XPO5: variants seen among roughly 807,000 people sequenced by gnomAD.
The protein encoded by XPO5 is exportin-5.
A neutral mutation model predicts 160.6 loss-of-function variants in XPO5; 46 were observed. The ratio of observed to expected loss-of-function variants is 0.29; its 90% CI spans 0.23 to 0.37. The LOEUF is 0.37. XPO5 is among the 10% of genes least tolerant of loss of function. The pLI is 1.00. For missense variants in XPO5, 1,090 were observed against 1,463.9 expected (o/e 0.74, Z 4.17); for synonymous variants, 537 against 519.3 (o/e 1.03, Z -0.46).
rs1244172294 is a variant in XPO5 at position 43,553,291 on chromosome 6, T to G, written c.1572+82A>C. 4 of 1,482,772 alleles carry G rather than the reference T, an allele frequency of 2.7e-6. No individual in the cohort carries two copies. In the African/African-American group the frequency reaches 5.6e-5, roughly 21 times the overall value. The allele number at this position is 1,482,772 out of a possible 1,614,324, so 91.9% of individuals were successfully genotyped here. A position where few individuals can be genotyped will look rare whatever the true frequency, so the allele number is the denominator to read the frequency against. ...CATTTCAGCCTGAGCAACAGAGAGA[T>G]ATAGCGTCCCAAAATAGAAAGAGAA... On this transcript the variant is annotated intron_variant, in intron 14 of 31. Coordinates refer to ENST00000265351, the MANE Select transcript of XPO5 (RefSeq NM_020750.3).
At chr6:43,529,330 C>A in intron 23 of XPO5, 1 of 598,176 alleles carries the variant, frequency 1.7e-6, no homozygotes, top group Non-Finnish European at 2.8e-6. Flanking sequence ...ATCACGGGGT[C>A]AAGAGAGCGA....
At chr6:43,556,127 G>T (rs1430331357) in intron 12 of XPO5, 163 bp from the exon 13 acceptor site, 23 of 908,132 alleles carry the variant, frequency 2.5e-5, no homozygotes, top group Non-Finnish European at 3.6e-5. Context: ...CTTTATTAAC[G>T]AATCCAGAAG....
At position 43,557,779 on chromosome 6, in the gene XPO5, GCT is replaced by G. The variant is rs1314329190; in HGVS notation, c.1312+720_1312+721del. On this transcript the variant is annotated intron_variant, in intron 12 of 31. Coordinates refer to ENST00000265351, the MANE Select transcript of XPO5 (RefSeq NM_020750.3). ...GGTAAATGAATTTTGTCTCAATAAA[GCT>G]GTAAAAAAAAAAAAAAAAAAAAAAA... Among the ~76,000 whole-genome samples, 58 of 78,724 alleles carry G rather than the reference GCT, an allele frequency of 7.4e-4. 1 individual carries two copies. In the South Asian group the frequency reaches 0.026, roughly 35 times the overall value. 51.6% of individuals were successfully genotyped at this position (78,724 alleles called of 152,430 possible).
chr6:43,547,092 T>G (rs1795001253), intron 19 of XPO5, among the ~76,000 whole-genome samples: 1 of 152,198 alleles, frequency 6.6e-6, no homozygotes, highest in African/African-American at 2.4e-5. Context: ...CTTCATCTTC[T>G]TTGAGTTGAC....
At chr6:43,526,201 C>A in intron 27 of XPO5, 1 of 454,452 alleles carries the variant, frequency 2.2e-6, no homozygotes, top group South Asian at 2.8e-5. Context: ...AATATTTGAG[C>A]ACCAGACACT....
chr6:43,553,324 G>GA, intron 14 of XPO5, 49 bp downstream of exon 14: 1 of 1,568,600 alleles, frequency 6.4e-7, no homozygotes, highest in African/African-American at 1.4e-5. Flanking sequence ...GAAAAGAAAA[G>GA]AAAAAGGTCA....
At chr6:43,524,751 T>G (rs1393562730) in intron 30 of XPO5, 80 bp downstream of exon 30, 6 of 1,589,502 alleles carry the variant, frequency 3.8e-6, no homozygotes, top group Non-Finnish European at 5.1e-6. Flanking sequence ...GTGCCTGAAT[T>G]TAGGATAAGG....
At chr6:43,535,992 G>T (rs538057908) in intron 20 of XPO5, among the ~76,000 whole-genome samples, 2 of 150,268 alleles carry the variant, frequency 1.3e-5, no homozygotes, top group Non-Finnish European at 3.0e-5. Flanking sequence ...GTATGGCGGT[G>T]CATGCCTGTA....
Position 43,523,680 on chromosome 6 carries a change from T to C in XPO5, c.*188A>G. Reference sequence around the variant, plus strand: ...ATAGTTTAAGCCCTAACTCCCTTTCTTGATACTTTAGTATAATTACTTCTG... The same window carrying C: ...ATAGTTTAAGCCCTAACTCCCTTTCCTGATACTTTAGTATAATTACTTCTG... On this transcript the variant is annotated 3_prime_UTR_variant, in exon 32 of 32. Transcript: ENST00000265351. The C allele has an allele frequency of 2.2e-6, 2 of 918,512 alleles. No homozygotes were observed. The highest frequency in any genetic ancestry group is 2.6e-5 in the South Asian group (2 of 76,546). 56.9% of individuals were successfully genotyped at this position (918,512 alleles called of 1,614,324 possible). A position where few individuals can be genotyped will look rare whatever the true frequency, so the allele number is the denominator to read the frequency against.
intron 24 of XPO5, 106 bp from the exon 25 acceptor site, chr6:43,528,311 C>T: frequency 8.3e-7 from 1 of 1,199,300 alleles, no homozygotes; most frequent in Non-Finnish European, 1.2e-6. Context: ...AAGGATGATT[C>T]TAGGCATCAA....
intron 13 of XPO5, among the ~76,000 whole-genome samples, chr6:43,554,437 CTTTTT>C (rs568156476): frequency 1.0e-5 from 1 of 96,666 alleles, no homozygotes; most frequent in Non-Finnish European, 2.1e-5. Context: ...TTTTTTTTTT[CTTTTT>C]TGAGATGGAG....
chr6:43,571,047 C>A, intron 3 of XPO5, 53 bp from the exon 4 acceptor site: 1 of 1,555,302 alleles, frequency 6.4e-7, no homozygotes, highest in South Asian at 1.2e-5. Context: ...TTCCAGACTT[C>A]CAGAAAAAAG....
At chr6:43,549,096 G>A (rs111944744) in intron 17 of XPO5, among the ~76,000 whole-genome samples, 4,977 of 152,060 alleles carry the variant, frequency 0.033, 265 homozygotes, top group African/African-American at 0.11. Context: ...ATGGAGTTTC[G>A]CTCGTTGCCC....
chr6:43,530,849 T>C, intron 22 of XPO5, 25 bp from the exon 23 acceptor site: 1 of 1,597,044 alleles, frequency 6.3e-7, no homozygotes, highest in Non-Finnish European at 8.5e-7. Flanking sequence ...AAAAGAGCAT[T>C]GAAAATGACA....
Position 43,531,554 on chromosome 6 carries a change from T to G in XPO5, c.2465A>C (p.Glu822Ala), listed in dbSNP as rs781540389. Residue 822 changes from glutamate to alanine, a missense_variant, in exon 22 of 32, where the codon GAA becomes GCA. Glu to Ala is a moderately radical substitution (Grantham distance 107). This residue lies in a region of XPO5 where 810 missense variants were observed against 1,139.0 expected (regional missense o/e 0.71). Coordinates refer to ENST00000265351, the MANE Select transcript of XPO5 (RefSeq NM_020750.3). ...TTTGAAGACAGGAGAGTCATTGAGT[T>G]CCAAGAGAGGTTGAGGTAATCCTAC... ...AILGLPQPLLELNDSPVFKTV... is the reference protein window; with the variant it reads ...AILGLPQPLLALNDSPVFKTV... 6.2e-7 allele frequency: 1 copy of G among 1,613,790 alleles called. No individual in the cohort carries two copies. The highest frequency in any genetic ancestry group is 8.5e-7 in the Non-Finnish European group (1 of 1,179,844).
In XPO5 at chr6:43,570,608, G is replaced by A; in HGVS notation, c.515C>T (p.Pro172Leu). The change falls in exon 5 of 32, where the codon CCT (proline) becomes CTT (leucine). Residue 172 changes from proline to leucine, a missense_variant. Coordinates refer to ENST00000265351, the MANE Select transcript of XPO5 (RefSeq NM_020750.3). ...TTGCTGGATGTCCCTTCTTCTTTGA[G>A]GGGGAAGTGTCTGAAAAGTCACTAC... The part of the protein sequence containing the change: ...EDVVTFQTLP[P>L]QRRRDIQQTL... 3 of 1,613,836 alleles carry A rather than the reference G, an allele frequency of 1.9e-6. No individual in the cohort carries two copies. Among genetic ancestry groups the A allele is most frequent in the Non-Finnish European group, 2.5e-6 (3 of 1,179,838 alleles).
At chr6:43,543,897 G>A (rs1046964335) in intron 20 of XPO5, among the ~76,000 whole-genome samples, 1 of 152,064 alleles carries the variant, frequency 6.6e-6, no homozygotes, top group African/African-American at 2.4e-5. Flanking sequence ...GGCTAGTCTC[G>A]AACTGTTGAC....
Position 43,523,541 on chromosome 6 carries a change from T to C in XPO5, c.*327A>G, listed in dbSNP as rs917863695. 5 of 499,562 alleles carry C rather than the reference T, an allele frequency of 1.0e-5. No homozygotes were observed. The highest frequency in any genetic ancestry group is 7.8e-5 in the African/African-American group (4 of 51,346). 30.9% of individuals were successfully genotyped at this position (499,562 alleles called of 1,614,324 possible). On this transcript the variant is annotated 3_prime_UTR_variant, in exon 32 of 32. Coordinates refer to ENST00000265351, the MANE Select transcript of XPO5 (RefSeq NM_020750.3). ...CCTTAGTTACCATTCTGTACAGGTA[T>C]GTGGCTGCACGGGGGTGGGAGGGCT...
At chr6:43,556,273 T>C (rs1762080627) in intron 12 of XPO5, among the ~76,000 whole-genome samples, 2 of 152,222 alleles carry the variant, frequency 1.3e-5, no homozygotes, top group South Asian at 4.1e-4. Context: ...CCTGAAATCC[T>C]AGCACTTTAG....
Sources: gnomAD v4.1 joint callset for allele counts (sites outside exome capture counted in the v4.1 genomes callset) on GRCh38, gnomAD v4.1.1 for gene constraint, gnomAD v4.1.1 regional missense constraint, MANE v1.5 for transcripts, NCBI Gene and HGNC (gene_info 2026-07-23, HGNC 2026-07-21) for gene names.